ANO1: variants seen among roughly 807,000 people sequenced by gnomAD.
ANO1 encodes anoctamin 1.
ANO1 carries 59 observed loss-of-function variants against 124.0 expected under a neutral mutation model. The ratio of observed to expected loss-of-function variants is 0.48; its 90% confidence interval spans 0.39 to 0.59. ANO1 has a LOEUF of 0.59. ANO1 is among the 20% of genes least tolerant of loss of function. The probability of loss-of-function intolerance (pLI) is 0.00; values close to 1 mark genes in which losing one functional copy is unlikely to be tolerated. For synonymous variants in ANO1, 529 were observed against 532.0 expected, an observed-to-expected ratio of 0.99 and a Z score of 0.08; for missense variants, 1,059 against 1,328.0, an observed-to-expected ratio of 0.80 and a Z score of 3.15.
At chr11:70,165,006 A>T (rs2048197003) in intron 19 of ANO1, among the ~76,000 whole-genome samples, 1 of 152,116 alleles carries the variant, frequency 6.6e-6, no homozygotes. Context: ...AAAGTAACAG[A>T]GATGGGGGTC....
At chr11:70,094,383 G>A (rs2044758259) in intron 2 of ANO1, among the ~76,000 whole-genome samples, 1 of 152,210 alleles carries the variant, frequency 6.6e-6, no homozygotes, top group Admixed American at 6.5e-5. Flanking sequence ...TGCATTCATT[G>A]TCCACAGGGC....
intron 11 of ANO1, among the ~76,000 whole-genome samples, chr11:70,145,755 G>A (rs1041523040): frequency 1.3e-5 from 2 of 152,018 alleles, no homozygotes; most frequent in African/African-American, 4.8e-5. Context: ...TGGCCAATAC[G>A]ATGAAACCCT....
intron 1 of ANO1, among the ~76,000 whole-genome samples, chr11:70,060,163 G>A (rs538610674): frequency 1.3e-5 from 2 of 152,098 alleles, no homozygotes; most frequent in Non-Finnish European, 2.9e-5. Context: ...TGGCAAAATG[G>A]TTATGGAGGA....
intron 1 of ANO1, among the ~76,000 whole-genome samples, chr11:70,040,460 AAGATAAAGG>A (rs1555004915): frequency 6.6e-6 from 1 of 152,194 alleles, no homozygotes; most frequent in Non-Finnish European, 1.5e-5. Flanking sequence ...AAAGTTACAA[AAGATAAAGG>A]AGTTCGAGAG....
chr11:70,084,774 C>T (rs115498075), intron 1 of ANO1, among the ~76,000 whole-genome samples: 4,299 of 152,294 alleles, frequency 0.028, 215 homozygotes, highest in African/African-American at 0.098. Flanking sequence ...TAACCACTGC[C>T]CCAGGCTGGG....
intron 1 of ANO1, among the ~76,000 whole-genome samples, chr11:70,045,486 G>T (rs782451378): frequency 6.6e-6 from 1 of 152,028 alleles, no homozygotes; most frequent in South Asian, 2.1e-4. Flanking sequence ...TCTTCCACTC[G>T]GCCCTAAAAT....
intron 11 of ANO1, among the ~76,000 whole-genome samples, chr11:70,133,051 G>A (rs2046824401): frequency 6.6e-6 from 1 of 152,046 alleles, no homozygotes; most frequent in Non-Finnish European, 1.5e-5. Flanking sequence ...AGACAGAGGG[G>A]CCTCTCCGTC....
chr11:70,152,881 C>G (rs1160365010), intron 13 of ANO1, among the ~76,000 whole-genome samples, 176 bp from the exon 14 acceptor site: 1 of 152,250 alleles, frequency 6.6e-6, no homozygotes, highest in Non-Finnish European at 1.5e-5. Context: ...GATCCTGGGT[C>G]ACTATCCAGA....
chr11:70,038,130 T>C (rs1555004616), intron 1 of ANO1, among the ~76,000 whole-genome samples: 3 of 152,192 alleles, frequency 2.0e-5, no homozygotes, highest in African/African-American at 7.2e-5. Context: ...TGTCATTTCT[T>C]TGCTCTATGC....
intron 11 of ANO1, chr11:70,141,589 CT>C (rs1195923613): frequency 3.3e-5 from 5 of 152,340 alleles, no homozygotes; most frequent in African/African-American, 9.6e-5. Flanking sequence ...AGAAAAGGAG[CT>C]TATTCTAAAT....
At chr11:70,042,141 A>G (rs1215320879) in intron 1 of ANO1, among the ~76,000 whole-genome samples, 1 of 152,100 alleles carries the variant, frequency 6.6e-6, no homozygotes, top group Non-Finnish European at 1.5e-5. Flanking sequence ...TCTGACCATA[A>G]TGTAGTAACA....
At chr11:70,003,997 AC>A (rs1306501733) in intron 1 of ANO1, among the ~76,000 whole-genome samples, 1 of 151,866 alleles carries the variant, frequency 6.6e-6, no homozygotes, top group Non-Finnish European at 1.5e-5. Context: ...CGTCCAGACC[AC>A]CCACGAGCTC....
the ANO1 span, among the ~76,000 whole-genome samples, chr11:69,977,427 C>T: frequency 6.6e-6 from 1 of 152,226 alleles, no homozygotes; most frequent in East Asian, 1.9e-4. Flanking sequence ...AGCACCTGGG[C>T]GTGCTGCCGA....
At chr11:70,065,394 C>A (rs1857692085) in intron 1 of ANO1, 1 of 152,458 alleles carries the variant, frequency 6.6e-6, no homozygotes, top group South Asian at 2.1e-4. Flanking sequence ...CTGGGCACTA[C>A]CCCCAGCTCG....
At chr11:70,086,783 C>T (rs942571381) in intron 1 of ANO1, among the ~76,000 whole-genome samples, 2 of 152,232 alleles carry the variant, frequency 1.3e-5, no homozygotes, top group Admixed American at 1.3e-4. Flanking sequence ...GTGGCCGCTC[C>T]TTAACCCACC....
intron 2 of ANO1, among the ~76,000 whole-genome samples, chr11:70,098,683 ATCT>A (rs1401823314): frequency 1.3e-5 from 2 of 152,216 alleles, no homozygotes; most frequent in East Asian, 1.9e-4. Context: ...AAACCTTCAA[ATCT>A]TCTAGCAATT....
intron 1 of ANO1, among the ~76,000 whole-genome samples, chr11:70,010,085 C>T (rs1319454909): frequency 4.0e-5 from 6 of 150,820 alleles, no homozygotes; most frequent in African/African-American, 1.5e-4. Context: ...ATCCAGGTTG[C>T]TGTGAATATC....
At chr11:70,118,503 G>A (rs1214012597) in intron 8 of ANO1, among the ~76,000 whole-genome samples, 1 of 152,126 alleles carries the variant, frequency 6.6e-6, no homozygotes. Context: ...GTGGATGGAT[G>A]GATTAATGGA....
chr11:70,163,263 G>C lies in ANO1; in HGVS notation c.1893-20G>C. 6.2e-7 allele frequency: 1 copy of C among 1,611,630 alleles called. No homozygotes were observed. Among genetic ancestry groups the C allele is most frequent in the Middle Eastern group, 1.9e-4 (1 of 5,192 alleles). ...GCCAGGGGCTCATCTTTTCTCTAACGACCTCCCCCATCGTTTCAGGTTTGT... is the reference window on the plus strand; with the variant it reads ...GCCAGGGGCTCATCTTTTCTCTAACCACCTCCCCCATCGTTTCAGGTTTGT... On this transcript the variant is annotated intron_variant, in intron 18 of 25. Coordinates refer to ENST00000355303, the MANE Select transcript of ANO1 (RefSeq NM_018043.7).
Sources: gnomAD v4.1 joint callset for allele counts (sites outside exome capture counted in the v4.1 genomes callset) on GRCh38, gnomAD v4.1.1 for gene constraint, MANE v1.5 for transcripts, NCBI Gene and HGNC (gene_info 2026-07-23, HGNC 2026-07-21) for gene names.